KCNQ3: variants seen among roughly 807,000 people sequenced by gnomAD.
KCNQ3 encodes potassium voltage-gated channel subfamily Q member 3.
In KCNQ3, 30 loss-of-function variants were observed where a neutral mutation model predicts 92.5. The observed-to-expected ratio is 0.32, with a 90% CI of 0.24 to 0.44. The LOEUF is 0.44. Among genes scored for constraint, KCNQ3 ranks in the 20% least tolerant of loss-of-function variants. The pLI, the probability that KCNQ3 is intolerant of heterozygous loss-of-function variation, is 1.00. For missense variants in KCNQ3, 913 were observed against 1,140.3 expected, an observed-to-expected ratio of 0.80 and a Z score of 2.87; for synonymous variants, 450 against 468.8, an observed-to-expected ratio of 0.96 and a Z score of 0.52.
At chr8:132,468,606 G>A (rs1292579552) in intron 1 of KCNQ3, among the ~76,000 whole-genome samples, 3 of 152,252 alleles carry the variant, frequency 2.0e-5, no homozygotes, top group African/African-American at 7.2e-5. Flanking sequence ...TGGCAGTGTT[G>A]CCCAAGAGGT....
chr8:132,216,055 C>T (rs879502600), intron 1 of KCNQ3, among the ~76,000 whole-genome samples: 4 of 152,160 alleles, frequency 2.6e-5, no homozygotes, highest in Non-Finnish European at 5.9e-5. Context: ...CCACATTTCT[C>T]TGCATAATAA....
chr8:132,213,389 A>G (rs77865155), intron 1 of KCNQ3, among the ~76,000 whole-genome samples: 5,008 of 152,256 alleles, frequency 0.033, 197 homozygotes, highest in African/African-American at 0.092. Context: ...CCTGGGGGGA[A>G]AAAGGATTCT....
At chr8:132,204,830 GA>G (rs1813606006) in intron 1 of KCNQ3, among the ~76,000 whole-genome samples, 1 of 152,200 alleles carries the variant, frequency 6.6e-6, no homozygotes, top group South Asian at 2.1e-4. Flanking sequence ...AAGTGCAAAT[GA>G]AAAGCCAGCA....
chr8:132,287,412 T>C (rs1196428338), intron 1 of KCNQ3, among the ~76,000 whole-genome samples: 1 of 152,228 alleles, frequency 6.6e-6, no homozygotes, highest in East Asian at 1.9e-4. Context: ...GAAATTTTAC[T>C]CATAGATATG....
At chr8:132,371,830 T>C (rs1161019384) in intron 1 of KCNQ3, among the ~76,000 whole-genome samples, 1 of 152,200 alleles carries the variant, frequency 6.6e-6, no homozygotes. Context: ...GGAGGCCTCA[T>C]GTTTCTTCAA....
chr8:132,170,546 T>A, intron 7 of KCNQ3, 118 bp from the exon 8 acceptor site: 2 of 706,298 alleles, frequency 2.8e-6, no homozygotes, highest in Non-Finnish European at 5.0e-6. Flanking sequence ...GAATGTGCAT[T>A]GAGCCAACAT....
At chr8:132,380,618 G>T (rs1391240269) in intron 1 of KCNQ3, among the ~76,000 whole-genome samples, 1 of 151,964 alleles carries the variant, frequency 6.6e-6, no homozygotes, top group Non-Finnish European at 1.5e-5. Context: ...ACACACCCGT[G>T]GCTGCAGGAA....
Position 132,364,573 on chromosome 8 carries a change from T to C in KCNQ3, c.386+115574A>G, listed in dbSNP as rs187536041. Among the ~76,000 whole-genome samples, 198 of 152,304 alleles carry C rather than the reference T, an allele frequency of 1.3e-3. 1 individual carries two copies. Among genetic ancestry groups the C allele is most frequent in the African/African-American group, 4.4e-3 (182 of 41,556 alleles). On this transcript the variant is annotated intron_variant, in intron 1 of 14. Coordinates refer to ENST00000388996, the MANE Select transcript of KCNQ3 (RefSeq NM_004519.4). ...CATTCCAGAAGGCAAGATACAGGTGTGTCTGGCTCACAATTATAGGCTCAG... is the reference window on the plus strand; with the variant it reads ...CATTCCAGAAGGCAAGATACAGGTGCGTCTGGCTCACAATTATAGGCTCAG...
At chr8:132,146,548 A>G (rs937081971) in intron 9 of KCNQ3, among the ~76,000 whole-genome samples, 4 of 152,106 alleles carry the variant, frequency 2.6e-5, no homozygotes, top group Admixed American at 2.6e-4. Flanking sequence ...AATGTTCTGA[A>G]GATTGGTTTC....
At chr8:132,158,148 G>T (rs758214930) in intron 9 of KCNQ3, among the ~76,000 whole-genome samples, 1 of 152,152 alleles carries the variant, frequency 6.6e-6, no homozygotes, top group Non-Finnish European at 1.5e-5. Context: ...ATGTTGCAGG[G>T]TCTGGATAGC....
chr8:132,438,165 T>C (rs1406283598), intron 1 of KCNQ3, among the ~76,000 whole-genome samples: 1 of 152,264 alleles, frequency 6.6e-6, no homozygotes, highest in Non-Finnish European at 1.5e-5. Context: ...AACTGCTTTC[T>C]ATTATAAGGT....
At chr8:132,303,961 T>G (rs553353717) in intron 1 of KCNQ3, among the ~76,000 whole-genome samples, 1 of 151,880 alleles carries the variant, frequency 6.6e-6, no homozygotes, top group Non-Finnish European at 1.5e-5. Context: ...CCATAAAATA[T>G]TACTCAGCCA....
In KCNQ3 at chr8:132,204,151, G is replaced by A. The variant is rs77702580; in HGVS notation, c.387-17970C>T. 6.4e-4 allele frequency among the ~76,000 whole-genome samples: 98 copies of A among 152,368 alleles called. 1 individual carries two copies. Among genetic ancestry groups the A allele is most frequent in the Non-Finnish European group, 1.2e-3 (84 of 68,040 alleles). On this transcript the variant is annotated intron_variant, in intron 1 of 14. Transcript: ENST00000388996. ...GCATCTTAGAACTGATGAAACGGAAGTAGGTAAAAGTTCTTTATAATCAAG... is the reference window on the plus strand; with the variant it reads ...GCATCTTAGAACTGATGAAACGGAAATAGGTAAAAGTTCTTTATAATCAAG...
At chr8:132,154,476 G>C (rs1163036747) in intron 9 of KCNQ3, among the ~76,000 whole-genome samples, 1 of 152,034 alleles carries the variant, frequency 6.6e-6, no homozygotes, top group Non-Finnish European at 1.5e-5. Flanking sequence ...AGCACCCCCT[G>C]TCAACAGGAA....
intron 1 of KCNQ3, among the ~76,000 whole-genome samples, chr8:132,470,771 G>A (rs534035414): frequency 6.6e-6 from 1 of 152,136 alleles, no homozygotes; most frequent in African/African-American, 2.4e-5. Context: ...TGTCTCTTTA[G>A]CCTCCATTAA....
chr8:132,472,002 T>C (rs1822308259), intron 1 of KCNQ3, among the ~76,000 whole-genome samples: 1 of 152,088 alleles, frequency 6.6e-6, no homozygotes, highest in South Asian at 2.1e-4. Context: ...AAAAGATATA[T>C]AAAAAGATGT....
intron 1 of KCNQ3, among the ~76,000 whole-genome samples, chr8:132,385,983 T>C (rs1331674129): frequency 6.6e-6 from 1 of 152,090 alleles, no homozygotes; most frequent in Non-Finnish European, 1.5e-5. Context: ...GAAACACATT[T>C]AAAACAAAGT....
At chr8:132,219,397 T>C (rs973186809) in intron 1 of KCNQ3, among the ~76,000 whole-genome samples, 2 of 152,104 alleles carry the variant, frequency 1.3e-5, no homozygotes, top group Non-Finnish European at 2.9e-5. Flanking sequence ...TTCTTCCCGC[T>C]TTGATGAAGG....
At chr8:132,445,024 G>C (rs2130843071) in intron 1 of KCNQ3, among the ~76,000 whole-genome samples, 1 of 152,246 alleles carries the variant, frequency 6.6e-6, no homozygotes, top group Middle Eastern at 3.4e-3. Flanking sequence ...AGCCTTCAGG[G>C]TGTTTCCAGG....
Sources: allele counts gnomAD v4.1 joint callset (sites outside exome capture counted in the v4.1 genomes callset), GRCh38; gene constraint gnomAD v4.1.1; transcripts MANE v1.5; gene names NCBI Gene and HGNC (gene_info 2026-07-23, HGNC 2026-07-21).